SPSB1: variants seen among roughly 807,000 people sequenced by gnomAD.
SPSB1 encodes SPRY domain-containing SOCS box protein 1.
Under a neutral mutation model 21.2 loss-of-function variants are expected in SPSB1, and 8 were observed. The ratio of observed to expected loss-of-function variants is 0.38; its 90% CI spans 0.22 to 0.68. The LOEUF is 0.68. SPSB1 is among the 30% of genes least tolerant of loss of function. The pLI is 0.53. For synonymous variants in SPSB1, 169 were observed against 161.7 expected, an observed-to-expected ratio of 1.05 and a Z score of -0.34; for missense variants, 242 against 377.8, an observed-to-expected ratio of 0.64 and a Z score of 2.98.
intron 1 of SPSB1, among the ~76,000 whole-genome samples, chr1:9,322,043 A>G (rs1265274754): frequency 6.6e-6 from 1 of 152,250 alleles, no homozygotes; most frequent in South Asian, 2.1e-4. Flanking sequence ...CACACTGGGC[A>G]GGTGATGTAA....
chr1:9,347,210 G>C (rs1171554371), intron 1 of SPSB1, among the ~76,000 whole-genome samples: 1 of 152,202 alleles, frequency 6.6e-6, no homozygotes, highest in Non-Finnish European at 1.5e-5. Context: ...TCCTTAACAC[G>C]TACCTTCATG....
chr1:9,321,661 A>C lies in SPSB1; in HGVS notation c.-150+28590A>C, dbSNP rs571372479. On this transcript the variant is annotated intron_variant, in intron 1 of 2. Transcript: ENST00000328089. This position sits in a 1 kb window ranked among gnomAD's most constrained non-coding sequence, Gnocchi z 4.8. ...GACCGTGAGCTTCACCTTTAAATAA[A>C]AAAAAAAATGCTGCTGATTGTCACT... is the stretch of plus-strand genomic sequence containing the variant. Among the ~76,000 whole-genome samples the C allele has an allele frequency of 6.6e-6, 1 of 152,116 alleles. No individual in the cohort carries two copies. Among genetic ancestry groups the C allele is most frequent in the African/African-American group, 2.4e-5 (1 of 41,422 alleles).
Position 9,348,443 on chromosome 1 carries a change from C to T in SPSB1, c.-149-7300C>T, listed in dbSNP as rs12124451. 4.3e-3 allele frequency among the ~76,000 whole-genome samples: 659 copies of T among 152,084 alleles called. No homozygotes were observed. The highest frequency in any genetic ancestry group is 7.5e-3 in the Non-Finnish European group (510 of 67,954). The stretch of plus-strand genomic sequence containing the variant: ...TCAGCCTTCAGAGAGAATGGCTGCC[C>T]TAGATCATTAAAGGCTGAAGACAGG... On this transcript the variant is annotated intron_variant, in intron 1 of 2. Transcript: ENST00000328089. The surrounding 1 kb of genome is among the most constrained non-coding windows in gnomAD (Gnocchi z 4.8).
intron 1 of SPSB1, among the ~76,000 whole-genome samples, chr1:9,328,913 A>G (rs1269447249): frequency 6.6e-6 from 1 of 152,148 alleles, no homozygotes; most frequent in Non-Finnish European, 1.5e-5. Context: ...TGAGCCCCAC[A>G]TGTGTCTCCA....
chr1:9,346,725 GGT>G lies in SPSB1; in HGVS notation c.-149-9017_-149-9016del, dbSNP rs1425462202. ...TCACCTCCTCCTCTTCCCTGGCGTT[GGT>G]CTATCAGGGGTGGAACAGCCACCGG... On this transcript the variant is annotated intron_variant, in intron 1 of 2. Coordinates refer to ENST00000328089, the MANE Select transcript of SPSB1 (RefSeq NM_025106.4). This position sits in a 1 kb window ranked among gnomAD's most constrained non-coding sequence, Gnocchi z 4.4. 6.6e-6 allele frequency among the ~76,000 whole-genome samples: 1 copy of G among 152,148 alleles called. No individual in the cohort carries two copies. Among genetic ancestry groups the G allele is most frequent in the Non-Finnish European group, 1.5e-5 (1 of 68,034 alleles).
intron 1 of SPSB1, among the ~76,000 whole-genome samples, chr1:9,312,250 G>T (rs993793402): frequency 6.6e-6 from 1 of 151,898 alleles, no homozygotes; most frequent in Non-Finnish European, 1.5e-5. Flanking sequence ...TCTCGAACCC[G>T]TCCTGGGCTC....
chr1:9,318,423 T>C (rs1338853691), intron 1 of SPSB1, among the ~76,000 whole-genome samples: 1 of 152,194 alleles, frequency 6.6e-6, no homozygotes, highest in Non-Finnish European at 1.5e-5. Flanking sequence ...CAGCGTCCTC[T>C]CCTATCGCCC....
At position 9,360,596 on chromosome 1, in the gene SPSB1, C is replaced by G. The variant is rs372944699; in HGVS notation, c.694+4011C>G. On this transcript the variant is annotated intron_variant, in intron 2 of 2. Coordinates refer to ENST00000328089, the MANE Select transcript of SPSB1 (RefSeq NM_025106.4). ...GCCTCCCCTCGCCCCTGGGGGCTGC[C>G]GGGAATCCTTGGCGTCCCTTGGTCT... 3.3e-5 allele frequency among the ~76,000 whole-genome samples: 5 copies of G among 152,150 alleles called. No homozygotes were observed. The East Asian group carries it at 9.6e-4, about 29-fold the overall frequency.
chr1:9,345,599 A>T lies in SPSB1; in HGVS notation c.-149-10144A>T, dbSNP rs987971500. Among the ~76,000 whole-genome samples the T allele has an allele frequency of 6.6e-6, 1 of 152,048 alleles. No homozygotes were observed. ...CCACCCTGACTAAGCTACAGCTGCG[A>T]TATATTGTAATTTTCAGTCTGTTTG... On this transcript the variant is annotated intron_variant, in intron 1 of 2. Coordinates refer to ENST00000328089, the MANE Select transcript of SPSB1 (RefSeq NM_025106.4). The surrounding 1 kb of genome is among the most constrained non-coding windows in gnomAD (Gnocchi z 4.8).
intron 1 of SPSB1, among the ~76,000 whole-genome samples, chr1:9,308,179 C>T (rs1039811686): frequency 6.6e-6 from 1 of 152,230 alleles, no homozygotes. Flanking sequence ...GACTGCCTCT[C>T]ATTTGACAGA....
chr1:9,348,955 GTGTGTGTGTA>G lies in SPSB1; in HGVS notation c.-149-6786_-149-6777del, dbSNP rs1640207159. Among the ~76,000 whole-genome samples the G allele has an allele frequency of 6.7e-6, 1 of 149,900 alleles. No homozygotes were observed. The highest frequency in any genetic ancestry group is 1.5e-5 in the Non-Finnish European group (1 of 66,890). On this transcript the variant is annotated intron_variant, in intron 1 of 2. Transcript: ENST00000328089. The surrounding 1 kb of genome is among the most constrained non-coding windows in gnomAD (Gnocchi z 4.8). The stretch of plus-strand genomic sequence containing the variant: ...TGCAAGAATGTGTGTGTGTGTGTGT[GTGTGTGTGTA>G]TATGTGCGTGTGTGCACGTGCATGT...
At chr1:9,310,847 C>G (rs1295068482) in intron 1 of SPSB1, among the ~76,000 whole-genome samples, 1 of 152,152 alleles carries the variant, frequency 6.6e-6, no homozygotes, top group Non-Finnish European at 1.5e-5. Context: ...GGTTGCCTTG[C>G]ATTTATGAAG....
chr1:9,293,171 G>T lies in SPSB1; in HGVS notation c.-150+100G>T. On this transcript the variant is annotated intron_variant, in intron 1 of 2. Coordinates refer to ENST00000328089, the MANE Select transcript of SPSB1 (RefSeq NM_025106.4). The surrounding 1 kb of genome is among the most constrained non-coding windows in gnomAD (Gnocchi z 5.1). ...CGAGGGCGGACGCGGGGATCGCGCC[G>T]CTGGGGGACCGAGTGGGTGGCGCGG... is the stretch of plus-strand genomic sequence containing the variant. 1 of 967,480 alleles carries T rather than the reference G, an allele frequency of 1.0e-6. No individual in the cohort carries two copies. The highest frequency in any genetic ancestry group is 1.2e-6 in the Non-Finnish European group (1 of 815,310). The allele number at this position is 967,480 out of a possible 1,614,324, so 59.9% of individuals were successfully genotyped here. A position where few individuals can be genotyped will look rare whatever the true frequency, so the allele number is the denominator to read the frequency against.
At chr1:9,342,861 C>G (rs534637005) in intron 1 of SPSB1, among the ~76,000 whole-genome samples, 1 of 152,242 alleles carries the variant, frequency 6.6e-6, no homozygotes, top group Non-Finnish European at 1.5e-5. Context: ...ATTCTGCTCT[C>G]GAAGGCTCTT....
At chr1:9,349,240 G>A (rs1489620377) in intron 1 of SPSB1, among the ~76,000 whole-genome samples, 3 of 152,236 alleles carry the variant, frequency 2.0e-5, no homozygotes, top group African/African-American at 7.2e-5. Flanking sequence ...CATGGTTCCT[G>A]CCTGCATCCC....
intron 1 of SPSB1, among the ~76,000 whole-genome samples, chr1:9,298,035 G>A (rs1051396321): frequency 7.9e-5 from 12 of 152,192 alleles, no homozygotes; most frequent in African/African-American, 2.9e-4. Context: ...GCGGCCAAGT[G>A]GCAGTACTCA....
chr1:9,293,176 G>C lies in SPSB1; in HGVS notation c.-150+105G>C. Reference sequence around the variant, plus strand: ...GCGGACGCGGGGATCGCGCCGCTGGGGGACCGAGTGGGTGGCGCGGGGCCG... The same window carrying C: ...GCGGACGCGGGGATCGCGCCGCTGGCGGACCGAGTGGGTGGCGCGGGGCCG... On this transcript the variant is annotated intron_variant, in intron 1 of 2. Coordinates refer to ENST00000328089, the MANE Select transcript of SPSB1 (RefSeq NM_025106.4). The surrounding 1 kb of genome is among the most constrained non-coding windows in gnomAD (Gnocchi z 5.1). The C allele has an allele frequency of 1.0e-6, 1 of 966,578 alleles. No homozygotes were observed. The highest frequency in any genetic ancestry group is 1.2e-6 in the Non-Finnish European group (1 of 814,240). 59.9% of individuals were successfully genotyped at this position (966,578 alleles called of 1,614,324 possible). A position where few individuals can be genotyped will look rare whatever the true frequency, so the allele number is the denominator to read the frequency against.
chr1:9,369,135 A>G lies in SPSB1; in HGVS notation c.*1560A>G, dbSNP rs1640623027. ...TTAAGTAAATCTTACAGTGGAGTAT[A>G]TTTTTTAAAGCACAAAATTGGTGCC... On this transcript the variant is annotated 3_prime_UTR_variant, in exon 3 of 3. Coordinates refer to ENST00000328089, the MANE Select transcript of SPSB1 (RefSeq NM_025106.4). The G allele has an allele frequency of 6.6e-6, 1 of 152,228 alleles. No individual in the cohort carries two copies. Among genetic ancestry groups the G allele is most frequent in the Non-Finnish European group, 1.5e-5 (1 of 67,964 alleles). 9.4% of individuals were successfully genotyped at this position (152,228 alleles called of 1,614,324 possible).
At chr1:9,339,226 C>T (rs972751518) in intron 1 of SPSB1, 10 of 985,440 alleles carry the variant, frequency 1.0e-5, no homozygotes, top group Non-Finnish European at 1.2e-5. Flanking sequence ...GGTCTTTTCC[C>T]AGGCACTTGC....
Sources: gnomAD v4.1 joint callset for allele counts (sites outside exome capture counted in the v4.1 genomes callset) on GRCh38, gnomAD v4.1.1 for gene constraint, Gnocchi (gnomAD v3.1) non-coding constraint, MANE v1.5 for transcripts, NCBI Gene and HGNC (gene_info 2026-07-23, HGNC 2026-07-21) for gene names.